NFIX: variants seen among roughly 807,000 people sequenced by gnomAD.
NFIX encodes the protein nuclear factor I X, also known as nuclear factor 1 X-type.
Under a neutral mutation model 53.3 loss-of-function variants are expected in NFIX, and 2 were observed. That is an observed-to-expected ratio of 0.04 (90% confidence interval 0.02 to 0.12). The LOEUF is 0.12. Among genes scored for constraint, NFIX ranks in the 10% least tolerant of loss-of-function variants. The pLI is 1.00. For synonymous variants in NFIX, 244 were observed against 289.0 expected, an observed-to-expected ratio of 0.84 and a Z score of 1.58; for missense variants, 310 against 674.5, an observed-to-expected ratio of 0.46 and a Z score of 5.99.
intron 2 of NFIX, among the ~76,000 whole-genome samples, chr19:13,039,881 C>T (rs928154396): frequency 2.0e-5 from 3 of 152,098 alleles, no homozygotes; most frequent in Non-Finnish European, 4.4e-5. Context: ...GCCCATGGCC[C>T]ATCCTTGAGA....
At position 13,078,652 on chromosome 19, in the gene NFIX, G is replaced by T; in HGVS notation, c.995G>T (p.Cys332Phe). 1 of 1,600,910 alleles carries T rather than the reference G, an allele frequency of 6.2e-7. No homozygotes were observed. The highest frequency in any genetic ancestry group is 1.7e-5 in the Admixed American group (1 of 58,362). The change falls in exon 7 of 11, where the codon TGC becomes TTC. Residue 332 changes from cysteine (C) to phenylalanine (F), a missense_variant. By Grantham distance (205) the Cys-to-Phe change is radical. Around this residue, in one of 5 missense-constraint regions of NFIX, gnomAD observed 164 missense variants for 284.4 expected, o/e 0.58. Transcript: ENST00000592199. This position sits in a 1 kb window ranked among gnomAD's most constrained non-coding sequence, Gnocchi z 4.7. ...AAGAAGTCAGGAAAGCTGGACTTCT[G>T]CAGTGCCCTCTCCTCTCAGGGCAGC... is the stretch of plus-strand genomic sequence containing the variant. ...SLKKSGKLDFCSALSSQGSSP... is the reference protein window; with the variant it reads ...SLKKSGKLDFFSALSSQGSSP...
chr19:12,995,751 C>A lies in NFIX; in HGVS notation c.-87C>A. 2.3e-6 allele frequency: 1 copy of A among 431,992 alleles called. No homozygotes were observed. Among genetic ancestry groups the A allele is most frequent in the Non-Finnish European group, 3.0e-6 (1 of 328,770 alleles). 26.8% of individuals were successfully genotyped at this position (431,992 alleles called of 1,614,324 possible). On this transcript the variant is annotated 5_prime_UTR_variant, in exon 1 of 11. Transcript: ENST00000592199. The stretch of plus-strand genomic sequence containing the variant: ...CGCGGCGGAGGCCGGAGGAGCCGAG[C>A]CGGAGCCCGAGCCCGAGCGCGGCCG...
At chr19:13,061,693 G>C (rs978850957) in intron 2 of NFIX, among the ~76,000 whole-genome samples, 5 of 152,256 alleles carry the variant, frequency 3.3e-5, no homozygotes, top group Non-Finnish European at 5.9e-5. Context: ...GAATTTGGCA[G>C]CTGTCAGTCG....
chr19:13,081,610 C>G lies in NFIX; in HGVS notation c.1079-70C>G. On this transcript the variant is annotated intron_variant, in intron 7 of 10. Coordinates refer to ENST00000592199, the MANE Select transcript of NFIX (RefSeq NM_001365902.3). This position sits in a 1 kb window ranked among gnomAD's most constrained non-coding sequence, Gnocchi z 4.7. The stretch of plus-strand genomic sequence containing the variant: ...GACCCTCTGACCGGCAGCTCCCCTC[C>G]TCTCCTGTCCCTCCCACTGGCTGCC... 1 of 1,517,924 alleles carries G rather than the reference C, an allele frequency of 6.6e-7. No individual in the cohort carries two copies. The highest frequency in any genetic ancestry group is 1.2e-5 in the South Asian group (1 of 81,016). 94.0% of individuals were successfully genotyped at this position (1,517,924 alleles called of 1,614,324 possible). A position where few individuals can be genotyped will look rare whatever the true frequency, so the allele number is the denominator to read the frequency against.
At chr19:13,059,663 A>G (rs1260568574) in intron 2 of NFIX, among the ~76,000 whole-genome samples, 3 of 150,788 alleles carry the variant, frequency 2.0e-5, no homozygotes. Flanking sequence ...GGGGAACCCT[A>G]CTGGAGTGGC....
In NFIX at chr19:13,025,461, C is replaced by T. The variant is rs199762875; in HGVS notation, c.468C>T (p.Cys156=). The T allele has an allele frequency of 6.2e-7, 1 of 1,614,078 alleles. No individual in the cohort carries two copies. Among genetic ancestry groups the T allele is most frequent in the Non-Finnish European group, 8.5e-7 (1 of 1,179,912 alleles). The change falls in exon 2 of 11, where the codon TGC becomes TGT. Residue 156 remains cysteine (C), a synonymous_variant. Coordinates refer to ENST00000592199, the MANE Select transcript of NFIX (RefSeq NM_001365902.3). The surrounding 1 kb of genome is among the most constrained non-coding windows in gnomAD (Gnocchi z 7.5). ...AGCGGCTCTACAAGTCGCCTCAGTG[C>T]TCGAACCCCGGCCTGTGCGTCCAGC... ...DGERLYKSPQ[C]SNPGLCVQPH...
rs761426805 is a variant in NFIX at position 13,025,098 on chromosome 19, G to A, written c.105G>A (p.Ala35=). 6.2e-6 allele frequency: 10 copies of A among 1,614,194 alleles called. No homozygotes were observed. The Admixed American group carries it at 6.7e-5, about 11-fold the overall frequency. The change falls in exon 2 of 11, where the codon GCG becomes GCA. Residue 35 remains alanine (A), a synonymous_variant. Coordinates refer to ENST00000592199, the MANE Select transcript of NFIX (RefSeq NM_001365902.3). This position sits in a 1 kb window ranked among gnomAD's most constrained non-coding sequence, Gnocchi z 7.5. The part of the protein sequence containing the change: ...AFSYTWFNLQ[A]RKRKYFKKHE... ...CCTACACCTGGTTCAACCTGCAGGC[G>A]CGGAAGCGCAAGTACTTCAAGAAGC...
At position 13,096,202 on chromosome 19, in the gene NFIX, C is replaced by CCTCTCTCTTT. The variant is rs893152477; in HGVS notation, c.*1566_*1575dup. 6.5e-6 allele frequency: 1 copy of CCTCTCTCTTT among 153,064 alleles called. No homozygotes were observed. The highest frequency in any genetic ancestry group is 1.9e-4 in the East Asian group (1 of 5,182). The allele number at this position is 153,064 out of a possible 1,614,324, so 9.5% of individuals were successfully genotyped here. On this transcript the variant is annotated 3_prime_UTR_variant, in exon 11 of 11. Coordinates refer to ENST00000592199, the MANE Select transcript of NFIX (RefSeq NM_001365902.3). The stretch of plus-strand genomic sequence containing the variant: ...CCTGGCCCCTTCTTGAGTCCTTGTG[C>CCTCTCTCTTT]CTCTCTCTTTCTCTCTCTTTCTTAA...
rs1391160317 is a variant in NFIX at position 13,093,270 on chromosome 19, A to T, written c.1495-1365A>T. On this transcript the variant is annotated intron_variant, in intron 10 of 10. Coordinates refer to ENST00000592199, the MANE Select transcript of NFIX (RefSeq NM_001365902.3). This position sits in a 1 kb window ranked among gnomAD's most constrained non-coding sequence, Gnocchi z 4.7. ...ATCTCCAAGGCCCTTTCTGAAACTC[A>T]GTGTCCCTATCCTCAGTCCCAAACC... Among the ~76,000 whole-genome samples the T allele has an allele frequency of 2.0e-5, 3 of 152,256 alleles. No individual in the cohort carries two copies. Among genetic ancestry groups the T allele is most frequent in the Non-Finnish European group, 4.4e-5 (3 of 68,048 alleles).
rs2145203979 is a variant in NFIX, at chr19:13,027,803, T to C, written c.559+2251T>C. On this transcript the variant is annotated intron_variant, in intron 2 of 10. Coordinates refer to ENST00000592199, the MANE Select transcript of NFIX (RefSeq NM_001365902.3). The surrounding 1 kb of genome is among the most constrained non-coding windows in gnomAD (Gnocchi z 4.3). ...ATGAGTGAATTCATACCCCATTCCA[T>C]GTAGCCGAGGCCACTTCTCTGGGCT... is the stretch of plus-strand genomic sequence containing the variant. Among the ~76,000 whole-genome samples, 1 of 152,340 alleles carries C rather than the reference T, an allele frequency of 6.6e-6. No homozygotes were observed. The highest frequency in any genetic ancestry group is 6.5e-5 in the Admixed American group (1 of 15,304).
At position 13,059,774 on chromosome 19, in the gene NFIX, ATTCT is replaced by A. The variant is rs1381028413; in HGVS notation, c.560-13270_560-13267del. Among the ~76,000 whole-genome samples, 1,069 of 123,398 alleles carry A rather than the reference ATTCT, an allele frequency of 8.7e-3. 24 individuals carry two copies. The highest frequency in any genetic ancestry group is 0.031 in the African/African-American group (1,025 of 33,118). 81.0% of individuals were successfully genotyped at this position (123,398 alleles called of 152,430 possible). The stretch of plus-strand genomic sequence containing the variant: ...TTTTTTCTAATTTGATTTAATTAGA[ATTCT>A]TTTTTTTTTTTTTTTTTTTTTTTGA... On this transcript the variant is annotated intron_variant, in intron 2 of 10. Coordinates refer to ENST00000592199, the MANE Select transcript of NFIX (RefSeq NM_001365902.3).
At position 13,058,735 on chromosome 19, in the gene NFIX, C is replaced by G. The variant is rs538595077; in HGVS notation, c.560-14312C>G. ...ACAGAAAAGAAAAAAAGCTCAGGGC[C>G]CGGATACTGCAGGGAGAGAAGTACA... On this transcript the variant is annotated intron_variant, in intron 2 of 10. Coordinates refer to ENST00000592199, the MANE Select transcript of NFIX (RefSeq NM_001365902.3). 3.3e-5 allele frequency among the ~76,000 whole-genome samples: 5 copies of G among 152,006 alleles called. No homozygotes were observed. The East Asian group carries it at 9.7e-4, about 30-fold the overall frequency.
In NFIX at chr19:13,036,212, G is replaced by C. The variant is rs1230175706; in HGVS notation, c.559+10660G>C. 6.6e-6 allele frequency among the ~76,000 whole-genome samples: 1 copy of C among 152,216 alleles called. No homozygotes were observed. The highest frequency in any genetic ancestry group is 1.5e-5 in the Non-Finnish European group (1 of 68,026). On this transcript the variant is annotated intron_variant, in intron 2 of 10. Transcript: ENST00000592199. The surrounding 1 kb of genome is among the most constrained non-coding windows in gnomAD (Gnocchi z 4.7). Reference sequence around the variant, plus strand: ...CCTAGGAAGGCGAGGGCTCTCCTTCGTGTGGAGTAGACCCTTCGCCAACTG... The same window carrying C: ...CCTAGGAAGGCGAGGGCTCTCCTTCCTGTGGAGTAGACCCTTCGCCAACTG...
rs1184548668 is a variant in NFIX at position 13,005,682 on chromosome 19, G to A, written c.27+9818G>A. ...GATCGTCACCACCCTAAATCCTGCC[G>A]ATGGGACAAAATTGCAGCTTGTTCT... On this transcript the variant is annotated intron_variant, in intron 1 of 10. Transcript: ENST00000592199. This position sits in a 1 kb window ranked among gnomAD's most constrained non-coding sequence, Gnocchi z 4.7. Among the ~76,000 whole-genome samples the A allele has an allele frequency of 6.6e-6, 1 of 152,272 alleles. No individual in the cohort carries two copies. Among genetic ancestry groups the A allele is most frequent in the Non-Finnish European group, 1.5e-5 (1 of 68,026 alleles).
intron 2 of NFIX, among the ~76,000 whole-genome samples, chr19:13,030,044 G>C (rs1412152567): frequency 4.6e-5 from 7 of 152,150 alleles, no homozygotes; most frequent in Non-Finnish European, 1.5e-5. Flanking sequence ...CTTTCTCCAG[G>C]TCCACCCCCA....
Position 13,021,058 on chromosome 19 carries a change from A to G in NFIX, c.28-3963A>G, listed in dbSNP as rs1342903618. On this transcript the variant is annotated intron_variant, in intron 1 of 10. Transcript: ENST00000592199. The surrounding 1 kb of genome is among the most constrained non-coding windows in gnomAD (Gnocchi z 4.2). ...TAGTATAAATCAGAATACAAGAAAA[A>G]CACCTCCATGCCAAATATAAACTCA... Among the ~76,000 whole-genome samples, 1 of 152,110 alleles carries G rather than the reference A, an allele frequency of 6.6e-6. No individual in the cohort carries two copies. The highest frequency in any genetic ancestry group is 2.4e-5 in the African/African-American group (1 of 41,410).
chr19:13,016,315 CTAG>C (rs1599724036), intron 1 of NFIX, among the ~76,000 whole-genome samples: 1 of 152,156 alleles, frequency 6.6e-6, no homozygotes, highest in East Asian at 1.9e-4. Context: ...GATATAAAAG[CTAG>C]CAGGCATGTG....
At chr19:13,031,295 G>A (rs2013786291) in intron 2 of NFIX, among the ~76,000 whole-genome samples, 1 of 152,134 alleles carries the variant, frequency 6.6e-6, no homozygotes, top group Non-Finnish European at 1.5e-5. Context: ...CGGAGCTTGA[G>A]CCAGCAAAGC....
Position 13,096,465 on chromosome 19 carries a change from T to A in NFIX, c.*1816T>A, listed in dbSNP as rs1005151917. On this transcript the variant is annotated 3_prime_UTR_variant, in exon 11 of 11. Coordinates refer to ENST00000592199, the MANE Select transcript of NFIX (RefSeq NM_001365902.3). ...AGCTGGAAGCCACAAGGTGGCTGGC[T>A]CCAGGGGCGGCTTTTGTTGGAAGTT... 6.6e-6 allele frequency: 1 copy of A among 152,150 alleles called. No individual in the cohort carries two copies. The highest frequency in any genetic ancestry group is 2.4e-5 in the African/African-American group (1 of 41,414). 9.4% of individuals were successfully genotyped at this position (152,150 alleles called of 1,614,324 possible).
Sources: allele counts gnomAD v4.1 joint callset (sites outside exome capture counted in the v4.1 genomes callset), GRCh38; gene constraint gnomAD v4.1.1; regional missense constraint gnomAD v4.1.1; non-coding constraint Gnocchi (gnomAD v3.1); transcripts MANE v1.5; gene names NCBI Gene and HGNC (gene_info 2026-07-23, HGNC 2026-07-21).